PRKAA2: variants seen among roughly 807,000 people sequenced by gnomAD.
PRKAA2 encodes the protein protein kinase AMP-activated catalytic subunit alpha 2, also known as 5'-AMP-activated protein kinase catalytic subunit alpha-2.
A neutral mutation model predicts 56.3 loss-of-function variants in PRKAA2; 40 were observed. The ratio of observed to expected loss-of-function variants is 0.71; its 90% CI spans 0.55 to 0.92. PRKAA2 has a LOEUF of 0.92. Among genes scored for constraint, PRKAA2 ranks in the 40% least tolerant of loss-of-function variants. The pLI is 0.00. For synonymous variants in PRKAA2, 214 were observed against 234.2 expected (o/e 0.91, Z 0.79); for missense variants, 542 against 686.9 (o/e 0.79, Z 2.36).
rs1644380400 is a variant in PRKAA2 at position 56,713,167 on chromosome 1, G to T, written c.*5454G>T. ...TACTAGCCTTTCCACCTATAATTAT[G>T]ATGCATTTGATGCCACTGAACAGTA... On this transcript the variant is annotated 3_prime_UTR_variant, in exon 9 of 9. Transcript: ENST00000371244. 1 of 152,064 alleles carries T rather than the reference G, an allele frequency of 6.6e-6. No individual in the cohort carries two copies. Among genetic ancestry groups the T allele is most frequent in the Non-Finnish European group, 1.5e-5 (1 of 68,028 alleles). 9.4% of individuals were successfully genotyped at this position (152,064 alleles called of 1,614,324 possible).
intron 1 of PRKAA2, among the ~76,000 whole-genome samples, chr1:56,661,217 C>A (rs1643991549): frequency 6.6e-6 from 1 of 152,088 alleles, no homozygotes; most frequent in Non-Finnish European, 1.5e-5. Context: ...TATTGTACTC[C>A]ATATACAAGA....
chr1:56,668,548 G>T (rs1274700066), intron 1 of PRKAA2, among the ~76,000 whole-genome samples: 1 of 151,902 alleles, frequency 6.6e-6, no homozygotes, highest in Non-Finnish European at 1.5e-5. Context: ...TATTTCCATA[G>T]CCTTTACATT....
intron 6 of PRKAA2, among the ~76,000 whole-genome samples, chr1:56,702,152 C>T (rs564610760): frequency 3.8e-4 from 57 of 151,320 alleles, no homozygotes; most frequent in African/African-American, 1.1e-3. Context: ...GGCACGATCT[C>T]GGCTCACCGC....
chr1:56,647,659 G>A (rs185003373), intron 1 of PRKAA2, among the ~76,000 whole-genome samples: 1 of 152,020 alleles, frequency 6.6e-6, no homozygotes, highest in East Asian at 1.9e-4. Flanking sequence ...CCAAGATTAG[G>A]ATTAGTACAA....
At chr1:56,681,079 G>C (rs1644151529) in intron 2 of PRKAA2, among the ~76,000 whole-genome samples, 1 of 152,182 alleles carries the variant, frequency 6.6e-6, no homozygotes, top group South Asian at 2.1e-4. Flanking sequence ...GTCTCATTGT[G>C]GTTTTGATTT....
Position 56,652,035 on chromosome 1 carries a change from A to G in PRKAA2, c.94+6554A>G, listed in dbSNP as rs549832727. On this transcript the variant is annotated intron_variant, in intron 1 of 8. Coordinates refer to ENST00000371244, the MANE Select transcript of PRKAA2 (RefSeq NM_006252.4). ...TTTTTTTTTTTTTTTTTTTTTGGAG[A>G]CAGAATCTTGCTCTGTCACCAGTCT... 4.8e-5 allele frequency among the ~76,000 whole-genome samples: 6 copies of G among 126,088 alleles called. No individual in the cohort carries two copies. In the South Asian group the frequency reaches 1.3e-3, roughly 26 times the overall value. The allele number at this position is 126,088 out of a possible 152,430, so 82.7% of individuals were successfully genotyped here.
chr1:56,652,137 C>T (rs1042760743), intron 1 of PRKAA2, among the ~76,000 whole-genome samples: 2 of 151,930 alleles, frequency 1.3e-5, no homozygotes, highest in Non-Finnish European at 2.9e-5. Flanking sequence ...CTCGGCCTCC[C>T]GACTAGCTGG....
At chr1:56,675,363 T>G (rs1157956551) in intron 2 of PRKAA2, among the ~76,000 whole-genome samples, 2 of 152,148 alleles carry the variant, frequency 1.3e-5, no homozygotes, top group African/African-American at 2.4e-5. Context: ...TTTGTCAAGT[T>G]TCTGCTGAAT....
At chr1:56,697,235 G>A (rs1644264868) in intron 6 of PRKAA2, among the ~76,000 whole-genome samples, 1 of 151,474 alleles carries the variant, frequency 6.6e-6, no homozygotes, top group Non-Finnish European at 1.5e-5. Flanking sequence ...TGTTGCCCAG[G>A]CTGGTCTTGA....
intron 1 of PRKAA2, among the ~76,000 whole-genome samples, chr1:56,668,776 C>T (rs558398427): frequency 6.6e-6 from 1 of 152,258 alleles, no homozygotes; most frequent in Admixed American, 6.5e-5. Flanking sequence ...ACTGTAGTGT[C>T]TTGCCTGTGG....
chr1:56,659,848 C>T (rs1643980182), intron 1 of PRKAA2, among the ~76,000 whole-genome samples: 1 of 152,080 alleles, frequency 6.6e-6, no homozygotes, highest in Non-Finnish European at 1.5e-5. Flanking sequence ...GTTGAGGCTG[C>T]AGTGAGCTGT....
chr1:56,672,121 T>C (rs905753770), intron 1 of PRKAA2, among the ~76,000 whole-genome samples: 1 of 152,036 alleles, frequency 6.6e-6, no homozygotes. Context: ...TTTGTTTTTG[T>C]TTTTCATTTT....
intron 2 of PRKAA2, among the ~76,000 whole-genome samples, chr1:56,677,107 T>TC (rs1644119127): frequency 6.6e-6 from 1 of 151,940 alleles, no homozygotes; most frequent in Admixed American, 6.6e-5. Flanking sequence ...TAACTCACCT[T>TC]TCCTATCCAT....
At chr1:56,681,295 A>G (rs1352943560) in intron 2 of PRKAA2, among the ~76,000 whole-genome samples, 1 of 152,132 alleles carries the variant, frequency 6.6e-6, no homozygotes, top group Non-Finnish European at 1.5e-5. Context: ...ATTTTCTCCC[A>G]TTCTGTAGGT....
At chr1:56,675,258 T>A (rs1644105172) in intron 2 of PRKAA2, among the ~76,000 whole-genome samples, 1 of 152,114 alleles carries the variant, frequency 6.6e-6, no homozygotes, top group South Asian at 2.1e-4. Flanking sequence ...ATTGTCTTAT[T>A]TATCTTTAAG....
Position 56,696,260 on chromosome 1 carries a change from C to T in PRKAA2, c.788+101C>T, listed in dbSNP as rs1569783235. The T allele has an allele frequency of 1.4e-5, 14 of 1,026,124 alleles. No homozygotes were observed. The East Asian group carries it at 3.2e-4, about 23-fold the overall frequency. The allele number at this position is 1,026,124 out of a possible 1,614,324, so 63.6% of individuals were successfully genotyped here. ...GTCTCATTTCCTGCCCTCACCACCTCACCCCAGTACTCATGCTTCAGCCAC... is the reference window on the plus strand; with the variant it reads ...GTCTCATTTCCTGCCCTCACCACCTTACCCCAGTACTCATGCTTCAGCCAC... On this transcript the variant is annotated intron_variant, in intron 6 of 8. Transcript: ENST00000371244.
chr1:56,665,399 T>A (rs531949656), intron 1 of PRKAA2, among the ~76,000 whole-genome samples: 31 of 152,308 alleles, frequency 2.0e-4, no homozygotes, highest in African/African-American at 7.2e-4. Context: ...TAAAGTACAA[T>A]GTACGAGTAC....
chr1:56,692,791 G>GTTTT (rs201416995), intron 4 of PRKAA2, among the ~76,000 whole-genome samples: 1 of 135,478 alleles, frequency 7.4e-6, no homozygotes, highest in African/African-American at 2.7e-5. Flanking sequence ...CTGTTTTTTT[G>GTTTT]TTTTTTTTTT....
intron 6 of PRKAA2, among the ~76,000 whole-genome samples, chr1:56,702,533 T>C (rs1366141684): frequency 1.3e-5 from 2 of 152,234 alleles, no homozygotes; most frequent in Non-Finnish European, 2.9e-5. Flanking sequence ...TTTTATGGCC[T>C]ACAATTCTTA....
Sources: gnomAD v4.1 joint callset for allele counts (sites outside exome capture counted in the v4.1 genomes callset) on GRCh38, gnomAD v4.1.1 for gene constraint, MANE v1.5 for transcripts, NCBI Gene and HGNC (gene_info 2026-07-23, HGNC 2026-07-21) for gene names.